The following FRYL variants were observed in gnomAD, a reference collection of about 807,000 sequenced individuals.
The protein encoded by FRYL is protein furry homolog-like.
In FRYL, 150 loss-of-function variants were observed where a neutral mutation model predicts 351.2. The observed-to-expected ratio is 0.43, with a 90% CI of 0.37 to 0.49. The LOEUF (loss-of-function observed/expected upper bound fraction) is 0.49, where lower values mean the gene tolerates loss of function less well. Ranked by LOEUF, FRYL falls within the 20% of genes least tolerant of loss-of-function variation. The pLI, the probability that FRYL is intolerant of heterozygous loss-of-function variation, is 0.00. For synonymous variants in FRYL, 1,153 were observed against 1,257.1 expected, an observed-to-expected ratio of 0.92 and a Z score of 1.75; for missense variants, 3,036 against 3,619.3, an observed-to-expected ratio of 0.84 and a Z score of 4.13.
intron 53 of FRYL, among the ~76,000 whole-genome samples, chr4:48,523,725 T>C (rs1725378206): frequency 6.6e-6 from 1 of 152,212 alleles, no homozygotes; most frequent in Non-Finnish European, 1.5e-5. Flanking sequence ...ATTTCTATGA[T>C]ACACTTTGGC....
intron 1 of FRYL, among the ~76,000 whole-genome samples, chr4:48,718,676 A>G (rs1161519436): frequency 6.6e-6 from 1 of 151,468 alleles, no homozygotes. Flanking sequence ...TTAAACTGAA[A>G]AAGGTTGCCC....
intron 3 of FRYL, among the ~76,000 whole-genome samples, chr4:48,666,605 G>C (rs770048563): frequency 6.6e-6 from 1 of 152,002 alleles, no homozygotes; most frequent in Non-Finnish European, 1.5e-5. Context: ...TCTAAACCTA[G>C]AAAACCAGAA....
At chr4:48,551,854 T>C (rs1201142011) in intron 36 of FRYL, among the ~76,000 whole-genome samples, 1 of 152,154 alleles carries the variant, frequency 6.6e-6, no homozygotes, top group African/African-American at 2.4e-5. Context: ...CATGTTTATA[T>C]TGCTGAACTT....
chr4:48,579,842 ATAAAATAACTAGAAGAGAGGCTTT>A (rs1740479341), intron 22 of FRYL, among the ~76,000 whole-genome samples: 1 of 152,150 alleles, frequency 6.6e-6, no homozygotes, highest in South Asian at 2.1e-4. Flanking sequence ...AGATCCTTTC[ATAAAATAACTAGAAGAGAGGCTTT>A]TAAAGGTTCT....
chr4:48,773,744 G>T (rs1338136644), intron 1 of FRYL, among the ~76,000 whole-genome samples: 3 of 152,110 alleles, frequency 2.0e-5, no homozygotes, highest in African/African-American at 7.2e-5. Flanking sequence ...TAGGCAACAT[G>T]GCAAGATCCT....
chr4:48,741,918 C>T (rs1772127012), intron 1 of FRYL, among the ~76,000 whole-genome samples: 2 of 152,286 alleles, frequency 1.3e-5, no homozygotes, highest in Admixed American at 6.5e-5. Context: ...AATGAAGCTA[C>T]TTTGTATACT....
intron 4 of FRYL, among the ~76,000 whole-genome samples, chr4:48,628,791 T>G (rs1278117382): frequency 6.6e-6 from 1 of 152,080 alleles, no homozygotes; most frequent in Non-Finnish European, 1.5e-5. Context: ...CCATGAGATC[T>G]GCAATTATTA....
At chr4:48,618,701 T>C (rs1253180650) in intron 7 of FRYL, 1 of 152,192 alleles carries the variant, frequency 6.6e-6, no homozygotes, top group African/African-American at 2.4e-5. Context: ...ATCTTTACTG[T>C]GTATCTATCC....
intron 1 of FRYL, among the ~76,000 whole-genome samples, chr4:48,777,680 C>G (rs1776164188): frequency 6.6e-6 from 1 of 152,152 alleles, no homozygotes; most frequent in Non-Finnish European, 1.5e-5. Flanking sequence ...ATGTTCTCTT[C>G]TAAAAGTTGA....
intron 23 of FRYL, among the ~76,000 whole-genome samples, chr4:48,577,250 T>C (rs1417513746): frequency 1.3e-5 from 2 of 152,232 alleles, no homozygotes; most frequent in Non-Finnish European, 2.9e-5. Context: ...ATCAATAAAA[T>C]ATTTTGAAAC....
At chr4:48,676,450 G>C (rs1183939330) in intron 3 of FRYL, among the ~76,000 whole-genome samples, 3 of 152,074 alleles carry the variant, frequency 2.0e-5, no homozygotes, top group Non-Finnish European at 4.4e-5. Flanking sequence ...CTTCATTCTT[G>C]AAGTCAGTGA....
chr4:48,760,563 T>C (rs763962479), intron 1 of FRYL, among the ~76,000 whole-genome samples: 6 of 152,198 alleles, frequency 3.9e-5, no homozygotes, highest in Admixed American at 6.6e-5. Context: ...CCTTGCCTTA[T>C]TGCAAGCACT....
chr4:48,746,591 T>G (rs1772711816), intron 1 of FRYL, among the ~76,000 whole-genome samples: 1 of 151,318 alleles, frequency 6.6e-6, no homozygotes, highest in African/African-American at 2.4e-5. Context: ...AAAACAGGTC[T>G]GCAAATTCTT....
rs368988471 is a variant in FRYL at position 48,658,392 on chromosome 4, A to G, written c.-80-23902T>C. Among the ~76,000 whole-genome samples, 214 of 152,088 alleles carry G rather than the reference A, an allele frequency of 1.4e-3. 1 individual carries two copies. Among genetic ancestry groups the G allele is most frequent in the African/African-American group, 4.6e-3 (190 of 41,482 alleles). On this transcript the variant is annotated intron_variant, in intron 3 of 63. Coordinates refer to ENST00000358350, the MANE Select transcript of FRYL (RefSeq NM_015030.2). ...CTAGAACCTTCTACAGCCCCCACAGATTTCAGCTTTTCAGAGTCTTCTCTT... is the reference window on the plus strand; with the variant it reads ...CTAGAACCTTCTACAGCCCCCACAGGTTTCAGCTTTTCAGAGTCTTCTCTT...
intron 1 of FRYL, among the ~76,000 whole-genome samples, chr4:48,756,527 A>G (rs1478393606): frequency 6.6e-6 from 1 of 152,210 alleles, no homozygotes; most frequent in Non-Finnish European, 1.5e-5. Flanking sequence ...ATTGTCTACA[A>G]TTGGATCCTT....
At chr4:48,763,916 C>A (rs1192554145) in intron 1 of FRYL, among the ~76,000 whole-genome samples, 3 of 152,120 alleles carry the variant, frequency 2.0e-5, no homozygotes, top group African/African-American at 4.8e-5. Flanking sequence ...CATCTGTAAT[C>A]CCAGCACTTC....
intron 22 of FRYL, chr4:48,580,637 A>G: frequency 2.5e-6 from 1 of 403,694 alleles, no homozygotes; most frequent in Non-Finnish European, 4.4e-6. Flanking sequence ...TGAGAATTTT[A>G]CAAACATAAA....
At chr4:48,594,612 T>C (rs1434282353) in intron 15 of FRYL, among the ~76,000 whole-genome samples, 3 of 152,230 alleles carry the variant, frequency 2.0e-5, no homozygotes, top group African/African-American at 7.2e-5. Flanking sequence ...CTTATACTTA[T>C]CGAATTACCA....
At chr4:48,678,171 T>A (rs1218072387) in intron 3 of FRYL, among the ~76,000 whole-genome samples, 3 of 152,090 alleles carry the variant, frequency 2.0e-5, no homozygotes, top group Non-Finnish European at 4.4e-5. Flanking sequence ...GGCAGGTGGA[T>A]AACAAGGGTC....
Sources: allele counts gnomAD v4.1 joint callset (sites outside exome capture counted in the v4.1 genomes callset), GRCh38; gene constraint gnomAD v4.1.1; transcripts MANE v1.5; gene names NCBI Gene and HGNC (gene_info 2026-07-23, HGNC 2026-07-21).